The following MFSD1 variants were observed in gnomAD, a reference collection of about 807,000 sequenced individuals.
The protein encoded by MFSD1 is lysosomal dipeptide transporter MFSD1.
Under a neutral mutation model 67.1 loss-of-function variants are expected in MFSD1, and 59 were observed. The ratio of observed to expected loss-of-function variants is 0.88; its 90% CI spans 0.71 to 1.09. MFSD1 has a LOEUF of 1.09. Among genes scored for constraint, MFSD1 ranks in the 50% least tolerant of loss-of-function variants. The pLI, the probability that MFSD1 is intolerant of heterozygous loss-of-function variation, is 0.00. For missense variants in MFSD1, 552 were observed against 566.1 expected (o/e 0.97, Z 0.25); for synonymous variants, 213 against 200.3 (o/e 1.06, Z -0.54).
chr3:158,813,505 C>T (rs773658244), intron 6 of MFSD1, among the ~76,000 whole-genome samples: 10 of 152,108 alleles, frequency 6.6e-5, no homozygotes, highest in Non-Finnish European at 1.2e-4. Context: ...AATAGGGGCT[C>T]AGTAATTGCT....
At chr3:158,825,807 C>T (rs1038663970) in intron 13 of MFSD1, among the ~76,000 whole-genome samples, 4 of 152,094 alleles carry the variant, frequency 2.6e-5, no homozygotes, top group Non-Finnish European at 5.9e-5. Context: ...TGGCCTGCCA[C>T]CCCTGGGCTG....
At chr3:158,812,197 C>G (rs1730058201) in intron 6 of MFSD1, among the ~76,000 whole-genome samples, 1 of 152,126 alleles carries the variant, frequency 6.6e-6, no homozygotes, top group Non-Finnish European at 1.5e-5. Flanking sequence ...CTCAAAAACT[C>G]AGGCAATAGA....
intron 15 of MFSD1, 80 bp from the exon 16 acceptor site, chr3:158,828,899 C>T (rs1295280298): frequency 6.9e-7 from 1 of 1,453,496 alleles, no homozygotes; most frequent in African/African-American, 1.4e-5. Flanking sequence ...TCTTGTAATG[C>T]TTGGTTTTCA....
At chr3:158,819,903 T>C (rs1397862817) in intron 8 of MFSD1, among the ~76,000 whole-genome samples, 156 bp downstream of exon 8, 1 of 152,194 alleles carries the variant, frequency 6.6e-6, no homozygotes, top group Non-Finnish European at 1.5e-5. Context: ...CTTTTCTAAA[T>C]TTTTAGATGT....
Position 158,802,322 on chromosome 3 carries a change from C to T in MFSD1, c.163+7C>T. The T allele has an allele frequency of 1.9e-6, 3 of 1,607,744 alleles. No individual in the cohort carries two copies. The highest frequency in any genetic ancestry group is 2.6e-6 in the Non-Finnish European group (3 of 1,176,160). ...ATGTGCTTCCTTGGCTTTGGTGAGC[C>T]GGCCGGGTGGGTTGGGGCTGATCTT... On this transcript the variant is annotated splice_region_variant and intron_variant, in intron 1 of 15. Transcript: ENST00000415822.
At chr3:158,822,217 C>G in intron 11 of MFSD1, 77 bp downstream of exon 11, 1 of 1,406,870 alleles carries the variant, frequency 7.1e-7, no homozygotes, top group Non-Finnish European at 9.7e-7. Context: ...TAGGCACGCT[C>G]AGCAAATTCA....
intron 6 of MFSD1, among the ~76,000 whole-genome samples, chr3:158,813,157 T>G (rs1730126190): frequency 6.6e-6 from 1 of 151,734 alleles, no homozygotes; most frequent in South Asian, 2.1e-4. Context: ...TTCTTCTTTT[T>G]TTTTTTTTGA....
chr3:158,824,759 C>A (rs1230643807), intron 13 of MFSD1, among the ~76,000 whole-genome samples: 1 of 152,124 alleles, frequency 6.6e-6, no homozygotes, highest in African/African-American at 2.4e-5. Flanking sequence ...AAAGAAAATT[C>A]TCCTTAACAC....
At chr3:158,817,602 A>T (rs1730439185) in intron 7 of MFSD1, among the ~76,000 whole-genome samples, 1 of 152,188 alleles carries the variant, frequency 6.6e-6, no homozygotes, top group Non-Finnish European at 1.5e-5. Context: ...ATAAAAGAGG[A>T]TACAAACAAA....
intron 5 of MFSD1, among the ~76,000 whole-genome samples, chr3:158,808,276 A>G (rs989844289): frequency 6.6e-6 from 1 of 152,188 alleles, no homozygotes; most frequent in Admixed American, 6.5e-5. Context: ...AAGAAATAAG[A>G]CTATTTCTTA....
rs772486474 is a variant in MFSD1, at chr3:158,829,009, A to C, written c.*27A>C. On this transcript the variant is annotated 3_prime_UTR_variant, in exon 16 of 16. Transcript: ENST00000415822. ...AAGTTAAAATGAATGTGTCATGAGA[A>C]TGGGCTTAACACATCGTTGGTTTGA... 6.2e-7 allele frequency: 1 copy of C among 1,603,352 alleles called. No homozygotes were observed. The highest frequency in any genetic ancestry group is 8.5e-7 in the Non-Finnish European group (1 of 1,174,924).
Position 158,822,095 on chromosome 3 carries a change from CCA to C in MFSD1, c.1035_1036del (p.Met346AspfsTer37). 6.2e-7 allele frequency: 1 copy of C among 1,613,890 alleles called. No individual in the cohort carries two copies. The highest frequency in any genetic ancestry group is 8.5e-7 in the Non-Finnish European group (1 of 1,179,870). ...GCGCAGTAGCAGCCACTCTTGTGTCCCACATGATGCTGGCCTTTACGATGTGG... is the reference window on the plus strand; with the variant it reads ...GCGCAGTAGCAGCCACTCTTGTGTCCCATGATGCTGGCCTTTACGATGTGG... ...LCAVAATLVS[H>X]MMLAFTMWNP... On this transcript the variant is annotated frameshift_variant, in exon 11 of 16. Coordinates refer to ENST00000415822, the MANE Select transcript of MFSD1 (RefSeq NM_022736.4). LOFTEE classifies it high-confidence loss of function.
chr3:158,802,635 G>A (rs1729517733), intron 1 of MFSD1: 1 of 607,050 alleles, frequency 1.6e-6, no homozygotes, highest in Non-Finnish European at 3.0e-6. Flanking sequence ...GATTTTCAAG[G>A]TTCCTCTTTT....
chr3:158,817,445 T>C (rs1047980620), intron 7 of MFSD1, among the ~76,000 whole-genome samples: 7 of 152,208 alleles, frequency 4.6e-5, no homozygotes, highest in Non-Finnish European at 1.0e-4. Flanking sequence ...AGCATTCTTA[T>C]ACACCAATAA....
At chr3:158,823,058 C>G (rs539120229) in intron 11 of MFSD1, 2 of 222,722 alleles carry the variant, frequency 9.0e-6, no homozygotes, top group Non-Finnish European at 1.8e-5. Flanking sequence ...GCCTTGATTG[C>G]CTAATCTGTA....
At chr3:158,824,291 T>C in intron 13 of MFSD1, 55 bp downstream of exon 13, 1 of 1,241,674 alleles carries the variant, frequency 8.1e-7, no homozygotes, top group Non-Finnish European at 1.2e-6. Flanking sequence ...CAGAATGTTC[T>C]TATTTTTACT....
At position 158,802,231 on chromosome 3, in the gene MFSD1, C is replaced by T. The variant is rs779944108; in HGVS notation, c.79C>T (p.Pro27Ser). The T allele has an allele frequency of 3.8e-5, 61 of 1,610,958 alleles. 1 individual carries two copies. The highest frequency in any genetic ancestry group is 3.4e-4 in the South Asian group (31 of 90,790). Residue 27 changes from proline to serine, a missense_variant, in exon 1 of 16, where the codon CCT (proline) becomes TCT (serine). Pro to Ser is a moderately conservative substitution (Grantham distance 74). Coordinates refer to ENST00000415822, the MANE Select transcript of MFSD1 (RefSeq NM_022736.4). ...GGCCGACAGAGGTGCCCCGGCCGCC[C>T]CTGGAGCCCTGCCGGCCCTCTGCGA... is the stretch of plus-strand genomic sequence containing the variant. ...DEADRGAPAAPGALPALCDPS... is the reference protein window; with the variant it reads ...DEADRGAPAASGALPALCDPS...
At chr3:158,818,931 G>A (rs1730520282) in intron 7 of MFSD1, among the ~76,000 whole-genome samples, 1 of 152,200 alleles carries the variant, frequency 6.6e-6, no homozygotes, top group African/African-American at 2.4e-5. Flanking sequence ...CCATGTCCAA[G>A]GTGATTCAGC....
At chr3:158,823,297 G>A in intron 11 of MFSD1, 131 bp from the exon 12 acceptor site, 1 of 676,930 alleles carries the variant, frequency 1.5e-6, no homozygotes, top group Non-Finnish European at 2.7e-6. Context: ...ACGAATTTTA[G>A]CCTAATAACA....
Sources: allele counts gnomAD v4.1 joint callset (sites outside exome capture counted in the v4.1 genomes callset), GRCh38; gene constraint gnomAD v4.1.1; transcripts MANE v1.5; gene names NCBI Gene and HGNC (gene_info 2026-07-23, HGNC 2026-07-21).